Variants in NT5DC1 observed in about 807,000 individuals in gnomAD.
The protein encoded by NT5DC1 is 5'-nucleotidase domain containing 1.
Under a neutral mutation model 59.4 loss-of-function variants are expected in NT5DC1, and 42 were observed. That is an observed-to-expected ratio of 0.71 (90% confidence interval 0.55 to 0.92). The LOEUF is 0.92. NT5DC1 is among the 40% of genes least tolerant of loss of function. The pLI is 0.00. For missense variants in NT5DC1, 501 were observed against 537.1 expected, an observed-to-expected ratio of 0.93 and a Z score of 0.66; for synonymous variants, 172 against 188.1, an observed-to-expected ratio of 0.91 and a Z score of 0.70.
At position 116,178,253 on chromosome 6, in the gene NT5DC1, A is replaced by G. The variant is rs150598722; in HGVS notation, c.530-42801A>G. 7.4e-4 allele frequency among the ~76,000 whole-genome samples: 112 copies of G among 152,212 alleles called. 1 individual carries two copies. In the East Asian group the frequency reaches 0.015, roughly 20 times the overall value. ...ATCATACCTAGGGGACCTCTCTCCC[A>G]TCCAAGTACTAACCAGGCCCGACCC... On this transcript the variant is annotated intron_variant, in intron 6 of 11. Transcript: ENST00000319550.
At chr6:116,101,310 T>A (rs73562584) in intron 1 of NT5DC1, among the ~76,000 whole-genome samples, 18,847 of 151,718 alleles carry the variant, frequency 0.12, 1,739 homozygotes, top group East Asian at 0.27. Flanking sequence ...GGGGAATCGG[T>A]GATTTCTAGG....
chr6:116,182,222 AGT>A (rs35883565), intron 6 of NT5DC1, among the ~76,000 whole-genome samples: 11,642 of 124,350 alleles, frequency 0.094, 640 homozygotes, highest in African/African-American at 0.18. Flanking sequence ...TTCCATGGAG[AGT>A]GTGTGTGTGT....
rs73772272 is a variant in NT5DC1, at chr6:116,140,465, A to G, written c.529+22520A>G. Among the ~76,000 whole-genome samples, 739 of 152,230 alleles carry G rather than the reference A, an allele frequency of 4.9e-3. 12 individuals are homozygous for G. Among genetic ancestry groups the G allele is most frequent in the South Asian group, 0.043 (205 of 4,820 alleles). ...GGGAAAACTTGGATATGTGTATAGT[A>G]TATATCATTCTTTTATGCTAAAGGT... On this transcript the variant is annotated intron_variant, in intron 6 of 11. Coordinates refer to ENST00000319550, the MANE Select transcript of NT5DC1 (RefSeq NM_152729.3).
chr6:116,113,790 C>A (rs1041994987), intron 4 of NT5DC1, among the ~76,000 whole-genome samples: 1 of 152,160 alleles, frequency 6.6e-6, no homozygotes, highest in Non-Finnish European at 1.5e-5. Context: ...TTAGTACCCA[C>A]AAAGGAAGAA....
chr6:116,105,401 G>C (rs1009953766), intron 1 of NT5DC1, among the ~76,000 whole-genome samples: 2 of 152,212 alleles, frequency 1.3e-5, no homozygotes, highest in Non-Finnish European at 2.9e-5. Flanking sequence ...ATCTGTAGAA[G>C]AAGGGTCAGA....
At chr6:116,181,424 G>T (rs1319589415) in intron 6 of NT5DC1, among the ~76,000 whole-genome samples, 1 of 151,876 alleles carries the variant, frequency 6.6e-6, no homozygotes, top group Non-Finnish European at 1.5e-5. Context: ...TATTTCAGTG[G>T]ATGCAGAAAA....
At chr6:116,108,869 CA>C (rs1306035162) in intron 3 of NT5DC1, among the ~76,000 whole-genome samples, 3 of 152,130 alleles carry the variant, frequency 2.0e-5, no homozygotes, top group Non-Finnish European at 4.4e-5. Context: ...TTCATTTATC[CA>C]AATTTGGCCC....
At chr6:116,208,471 T>A (rs1450749960) in intron 6 of NT5DC1, among the ~76,000 whole-genome samples, 1 of 152,046 alleles carries the variant, frequency 6.6e-6, no homozygotes, top group Admixed American at 6.6e-5. Context: ...CCTGGAGGCA[T>A]CTTTGTTTTG....
intron 6 of NT5DC1, among the ~76,000 whole-genome samples, chr6:116,172,368 C>T (rs1274764928): frequency 1.5e-5 from 2 of 133,646 alleles, no homozygotes; most frequent in Non-Finnish European, 3.1e-5. Context: ...GTTGCCCAGG[C>T]TGGAGTGCAG....
rs375597221 is a variant in NT5DC1, at chr6:116,166,053, A to G, written c.529+48108A>G. Reference sequence around the variant, plus strand: ...CAGCATTGCCTGGGGTCATGAAGGTAGAAAGGCTCCCTGACAATTTGGCAG... The same window carrying G: ...CAGCATTGCCTGGGGTCATGAAGGTGGAAAGGCTCCCTGACAATTTGGCAG... On this transcript the variant is annotated intron_variant, in intron 6 of 11. Coordinates refer to ENST00000319550, the MANE Select transcript of NT5DC1 (RefSeq NM_152729.3). 5.0e-4 allele frequency among the ~76,000 whole-genome samples: 76 copies of G among 152,292 alleles called. 1 individual carries two copies. The highest frequency in any genetic ancestry group is 3.4e-3 in the Middle Eastern group (1 of 294).
At chr6:116,193,978 C>T (rs1392879604) in intron 6 of NT5DC1, among the ~76,000 whole-genome samples, 2 of 151,932 alleles carry the variant, frequency 1.3e-5, no homozygotes, top group African/African-American at 4.8e-5. Context: ...GTGGGAGGAC[C>T]ACCTAAGCCC....
At chr6:116,187,242 C>T (rs1562156331) in intron 6 of NT5DC1, among the ~76,000 whole-genome samples, 1 of 152,076 alleles carries the variant, frequency 6.6e-6, no homozygotes, top group Non-Finnish European at 1.5e-5. Context: ...CTGTGGCTAC[C>T]AGCACCTGCT....
chr6:116,193,527 A>C (rs1165286199), intron 6 of NT5DC1, among the ~76,000 whole-genome samples: 1 of 152,026 alleles, frequency 6.6e-6, no homozygotes, highest in African/African-American at 2.4e-5. Flanking sequence ...ATATTTCCTA[A>C]TTTATGGATT....
At chr6:116,114,972 C>T (rs1267806243) in intron 4 of NT5DC1, among the ~76,000 whole-genome samples, 6 of 152,144 alleles carry the variant, frequency 3.9e-5, no homozygotes, top group African/African-American at 1.4e-4. Flanking sequence ...GCAGTGGCTG[C>T]AATCAGACGC....
intron 2 of NT5DC1, among the ~76,000 whole-genome samples, chr6:116,106,981 A>G (rs1156253451): frequency 6.6e-6 from 1 of 152,070 alleles, no homozygotes; most frequent in Non-Finnish European, 1.5e-5. Context: ...GCTTGAGTCT[A>G]GGAGTTGGAG....
At chr6:116,151,616 A>C (rs938172523) in intron 6 of NT5DC1, among the ~76,000 whole-genome samples, 3 of 152,232 alleles carry the variant, frequency 2.0e-5, no homozygotes, top group African/African-American at 7.2e-5. Context: ...AATGCAGTAC[A>C]TGCAAATAAT....
In NT5DC1 at chr6:116,134,745, G is replaced by A. The variant is rs527615897; in HGVS notation, c.529+16800G>A. Among the ~76,000 whole-genome samples the A allele has an allele frequency of 2.6e-5, 4 of 152,256 alleles. No individual in the cohort carries two copies. The East Asian group carries it at 7.7e-4, about 29-fold the overall frequency. On this transcript the variant is annotated intron_variant, in intron 6 of 11. Transcript: ENST00000319550. The stretch of plus-strand genomic sequence containing the variant: ...GTTTTCACAAAAGAAAATAACCGTG[G>A]TTGCTGTTCTAGTAAGTGTGTACCT...
chr6:116,132,953 G>A (rs982999408), intron 6 of NT5DC1, among the ~76,000 whole-genome samples: 1 of 152,122 alleles, frequency 6.6e-6, no homozygotes, highest in Non-Finnish European at 1.5e-5. Flanking sequence ...GTGCTTTAGT[G>A]GTTAGATACC....
chr6:116,190,731 C>T (rs1781098751), intron 6 of NT5DC1, among the ~76,000 whole-genome samples: 1 of 152,036 alleles, frequency 6.6e-6, no homozygotes, highest in Non-Finnish European at 1.5e-5. Flanking sequence ...TTCTTGACAA[C>T]TGAACTGTGA....
Sources: gnomAD v4.1 joint callset for allele counts (sites outside exome capture counted in the v4.1 genomes callset) on GRCh38, gnomAD v4.1.1 for gene constraint, MANE v1.5 for transcripts, NCBI Gene and HGNC (gene_info 2026-07-23, HGNC 2026-07-21) for gene names.